Variants in RCHY1 observed in about 807,000 individuals in gnomAD.
RCHY1 encodes RING finger and CHY zinc finger domain-containing protein 1.
Under a neutral mutation model 41.6 loss-of-function variants are expected in RCHY1, and 21 were observed. That is an observed-to-expected ratio of 0.51 (90% CI 0.36 to 0.73). The LOEUF is 0.73. Among genes scored for constraint, RCHY1 ranks in the 30% least tolerant of loss-of-function variants. The pLI, the probability that RCHY1 is intolerant of heterozygous loss-of-function variation, is 0.00. For missense variants in RCHY1, 265 were observed against 325.3 expected, an observed-to-expected ratio of 0.81 and a Z score of 1.43; for synonymous variants, 79 against 102.9, an observed-to-expected ratio of 0.77 and a Z score of 1.41.
At chr4:75,496,466 C>T (rs904266910) in intron 3 of RCHY1, among the ~76,000 whole-genome samples, 1 of 152,000 alleles carries the variant, frequency 6.6e-6, no homozygotes, top group East Asian at 1.9e-4. Context: ...TAGTAGGATA[C>T]CCATCAGCAC....
In RCHY1 at chr4:75,514,287, C is replaced by T. The variant is rs146666606; in HGVS notation, c.-1G>A. 3.2e-4 allele frequency: 522 copies of T among 1,611,024 alleles called. 2 individuals carry two copies. In the African/African-American group the frequency reaches 6.2e-3, roughly 19 times the overall value. Reference sequence around the variant, plus strand: ...CATCTTCCCGGGCCGTCGCCGCCATCTCCTCCACCTCCCCTCACATTCCAC... The same window carrying T: ...CATCTTCCCGGGCCGTCGCCGCCATTTCCTCCACCTCCCCTCACATTCCAC... On this transcript the variant is annotated 5_prime_UTR_variant, in exon 1 of 9. Coordinates refer to ENST00000324439, the MANE Select transcript of RCHY1 (RefSeq NM_015436.4).
intron 8 of RCHY1, among the ~76,000 whole-genome samples, chr4:75,489,246 T>C (rs1010494610): frequency 6.6e-6 from 1 of 152,192 alleles, no homozygotes; most frequent in African/African-American, 2.4e-5. Flanking sequence ...AATCAAAACT[T>C]CACGTACATT....
chr4:75,509,523 T>C, intron 1 of RCHY1: 2 of 410,076 alleles, frequency 4.9e-6, no homozygotes, highest in South Asian at 4.9e-5. Context: ...TGAACACAAC[T>C]TTAAAACAAA....
chr4:75,514,006 G>A (rs2148791741), intron 1 of RCHY1, 191 bp downstream of exon 1: 1 of 769,808 alleles, frequency 1.3e-6, no homozygotes. Context: ...AAGGTACGAA[G>A]CAGGTAGGAA....
intron 4 of RCHY1, among the ~76,000 whole-genome samples, chr4:75,492,361 T>G (rs918849996): frequency 2.0e-5 from 3 of 152,010 alleles, no homozygotes; most frequent in Admixed American, 6.6e-5. Context: ...CATGCCATGT[T>G]CAGCACAGTA....
intron 1 of RCHY1, 93 bp downstream of exon 1, chr4:75,514,104 C>G: frequency 6.5e-7 from 1 of 1,531,916 alleles, no homozygotes; most frequent in South Asian, 1.2e-5. Context: ...TCAGGTTAAC[C>G]TCAAACTTAA....
At chr4:75,503,513 A>G (rs1372522167) in intron 3 of RCHY1, among the ~76,000 whole-genome samples, 1 of 152,062 alleles carries the variant, frequency 6.6e-6, no homozygotes, top group Non-Finnish European at 1.5e-5. Flanking sequence ...TGGCTAACAA[A>G]GTGAAACCTC....
At chr4:75,491,354 T>C (rs1281510732) in intron 7 of RCHY1, 1 of 353,928 alleles carries the variant, frequency 2.8e-6, no homozygotes, top group Admixed American at 4.5e-5. Context: ...TCCTGGTATA[T>C]ATGGCCAGAA....
chr4:75,511,050 A>T (rs184500513), intron 1 of RCHY1, among the ~76,000 whole-genome samples: 2 of 152,304 alleles, frequency 1.3e-5, no homozygotes, highest in Non-Finnish European at 1.5e-5. Context: ...TGAAATCTGA[A>T]ATCGTATCAA....
In RCHY1 at chr4:75,482,333, A is replaced by G. The variant is rs1721584613; in HGVS notation, c.*205T>C. On this transcript the variant is annotated 3_prime_UTR_variant, in exon 9 of 9. Transcript: ENST00000324439. ...GAATTTCCAATCAAAACACAAGCACAGTGGCTTTCATTCAATATAGAGCTA... is the reference window on the plus strand; with the variant it reads ...GAATTTCCAATCAAAACACAAGCACGGTGGCTTTCATTCAATATAGAGCTA... The G allele has an allele frequency of 1.1e-5, 4 of 359,232 alleles. No homozygotes were observed. The highest frequency in any genetic ancestry group is 4.7e-5 in the Admixed American group (1 of 21,148). The allele number at this position is 359,232 out of a possible 1,614,324, so 22.3% of individuals were successfully genotyped here.
At chr4:75,486,196 C>T (rs934252353) in intron 8 of RCHY1, among the ~76,000 whole-genome samples, 1 of 152,166 alleles carries the variant, frequency 6.6e-6, no homozygotes, top group Admixed American at 6.5e-5. Context: ...CTCAGACAGG[C>T]TCTGCCCTTC....
At chr4:75,492,730 G>T (rs2148730542) in intron 4 of RCHY1, among the ~76,000 whole-genome samples, 1 of 151,910 alleles carries the variant, frequency 6.6e-6, no homozygotes, top group South Asian at 2.1e-4. Flanking sequence ...AAAAATAGAT[G>T]TAAGTTTTTG....
intron 4 of RCHY1, among the ~76,000 whole-genome samples, chr4:75,493,881 A>G (rs1722955987): frequency 6.6e-6 from 1 of 151,864 alleles, no homozygotes; most frequent in African/African-American, 2.4e-5. Context: ...AGTAAGTGAT[A>G]TAAGCATTCT....
rs997667392 is a variant in RCHY1, at chr4:75,481,089, C to T, written c.*1449G>A. The T allele has an allele frequency of 5.9e-5, 9 of 152,308 alleles. No homozygotes were observed. The highest frequency in any genetic ancestry group is 2.2e-4 in the African/African-American group (9 of 41,454). 9.4% of individuals were successfully genotyped at this position (152,308 alleles called of 1,614,324 possible). ...TCCCAAATGAAGATCAGCACTGCTG[C>T]TCTGGCCAGGCCAAGGAAACAGATG... On this transcript the variant is annotated 3_prime_UTR_variant, in exon 9 of 9. Coordinates refer to ENST00000324439, the MANE Select transcript of RCHY1 (RefSeq NM_015436.4).
chr4:75,498,481 C>CAAAAAAAAAAAAAAAAAAAAAAAAA (rs57789217), intron 3 of RCHY1, among the ~76,000 whole-genome samples: 1 of 68,778 alleles, frequency 1.5e-5, no homozygotes, highest in African/African-American at 4.9e-5. Context: ...CAATCCTGAG[C>CAAAAAAAAAAAAAAAAAAAAAAAAA]AAAAAAAAAA....
intron 3 of RCHY1, among the ~76,000 whole-genome samples, chr4:75,499,022 G>A (rs1723489491): frequency 2.6e-5 from 4 of 152,002 alleles, no homozygotes; most frequent in Non-Finnish European, 1.5e-5. Flanking sequence ...GAAACTATTT[G>A]CAAACTATCC....
chr4:75,497,160 A>G (rs1433129990), intron 3 of RCHY1, among the ~76,000 whole-genome samples: 1 of 152,130 alleles, frequency 6.6e-6, no homozygotes, highest in Non-Finnish European at 1.5e-5. Context: ...TAGGAAGAAA[A>G]GGGAATTTTT....
chr4:75,497,579 T>C (rs1477003187), intron 3 of RCHY1, among the ~76,000 whole-genome samples: 1 of 148,638 alleles, frequency 6.7e-6, no homozygotes, highest in Non-Finnish European at 1.5e-5. Context: ...CTTTGCTCAA[T>C]TAAACTCTGT....
intron 1 of RCHY1, 32 bp downstream of exon 1, chr4:75,514,165 C>T (rs200969877): frequency 5.8e-4 from 917 of 1,588,200 alleles, no homozygotes; most frequent in Non-Finnish European, 7.6e-4. Context: ...CTGACGGAAG[C>T]TTGTCAGGGA....
Sources: allele counts gnomAD v4.1 joint callset (sites outside exome capture counted in the v4.1 genomes callset), GRCh38; gene constraint gnomAD v4.1.1; transcripts MANE v1.5; gene names NCBI Gene and HGNC (gene_info 2026-07-23, HGNC 2026-07-21).